The following TAX1BP1 variants were observed in gnomAD, a reference collection of about 807,000 sequenced individuals.
TAX1BP1 encodes Tax1 binding protein 1, also known as tax1-binding protein 1.
In TAX1BP1, 62 loss-of-function variants were observed where a neutral mutation model predicts 97.7. That is an observed-to-expected ratio of 0.63 (90% CI 0.52 to 0.78). TAX1BP1 has a LOEUF of 0.78. Ranked by LOEUF, TAX1BP1 falls within the 30% of genes least tolerant of loss-of-function variation. TAX1BP1 has a pLI of 0.00. For synonymous variants in TAX1BP1, 340 were observed against 304.2 expected (o/e 1.12, Z -1.23); for missense variants, 867 against 916.1 (o/e 0.95, Z 0.69).
At chr7:27,791,629 C>T (rs879768451) in intron 8 of TAX1BP1, among the ~76,000 whole-genome samples, 13 of 152,028 alleles carry the variant, frequency 8.6e-5, no homozygotes, top group African/African-American at 2.4e-4. Context: ...AAGAAGCTTT[C>T]GGAATGATTT....
At chr7:27,796,867 TAAATA>T (rs899930306) in intron 12 of TAX1BP1, among the ~76,000 whole-genome samples, 1 of 151,822 alleles carries the variant, frequency 6.6e-6, no homozygotes, top group Non-Finnish European at 1.5e-5. Context: ...AAAAAAATAA[TAAATA>T]AAATAAATTA....
At chr7:27,763,173 A>G (rs1788494563) in intron 3 of TAX1BP1, among the ~76,000 whole-genome samples, 3 of 152,210 alleles carry the variant, frequency 2.0e-5, no homozygotes, top group African/African-American at 7.2e-5. Context: ...CATTTTGTGG[A>G]TGAGTAATGA....
At chr7:27,776,724 T>G (rs527432166) in intron 5 of TAX1BP1, among the ~76,000 whole-genome samples, 4 of 152,042 alleles carry the variant, frequency 2.6e-5, no homozygotes, top group Admixed American at 2.6e-4. Flanking sequence ...TTCAGCTGTT[T>G]TTTCTGTCTT....
At position 27,785,430 on chromosome 7, in the gene TAX1BP1, G is replaced by A. The variant is rs745646029; in HGVS notation, c.793G>A (p.Glu265Lys). The change falls in exon 7 of 17, where the codon GAA becomes AAA. Residue 265 changes from glutamate (E) to lysine (K), a missense_variant. Physicochemically the swap from Glu to Lys is moderately conservative, Grantham distance 56. Around this residue, in one of 3 missense-constraint regions of TAX1BP1, gnomAD observed 822 missense variants for 851.4 expected, o/e 0.97. Transcript: ENST00000396319. ...LKDKLKKAQH[E>K]REQLECQLKT... is the part of the protein sequence containing the mutation. ...GGACAAACTCAAGAAGGCACAACAT[G>A]AAAGAGAACAACTTGAATGTCAGTT... 7 of 1,613,666 alleles carry A rather than the reference G, an allele frequency of 4.3e-6. No individual in the cohort carries two copies. Among genetic ancestry groups the A allele is most frequent in the Non-Finnish European group, 2.5e-6 (3 of 1,179,884 alleles).
chr7:27,812,296 T>C (rs1475143574), intron 13 of TAX1BP1, among the ~76,000 whole-genome samples: 4 of 152,240 alleles, frequency 2.6e-5, no homozygotes, highest in East Asian at 3.8e-4. Flanking sequence ...TTTGTACATA[T>C]TCCTTTGTGA....
In TAX1BP1 at chr7:27,811,778, CT is replaced by C. The variant is rs374928717; in HGVS notation, c.1765-4570del. ...GCATTCGTCCCCTCCTGCTACCCCC[CT>C]GTCCTAGAAAACCTCTGGTCTGCTT... On this transcript the variant is annotated intron_variant, in intron 13 of 16. Coordinates refer to ENST00000396319, the MANE Select transcript of TAX1BP1 (RefSeq NM_006024.7). Among the ~76,000 whole-genome samples, 401 of 152,302 alleles carry C rather than the reference CT, an allele frequency of 2.6e-3. 1 individual carries two copies. Among genetic ancestry groups the C allele is most frequent in the African/African-American group, 9.0e-3 (374 of 41,556 alleles).
At chr7:27,763,017 C>T (rs1280628617) in intron 3 of TAX1BP1, among the ~76,000 whole-genome samples, 3 of 152,160 alleles carry the variant, frequency 2.0e-5, no homozygotes, top group African/African-American at 4.8e-5. Context: ...TTCAACAGTT[C>T]ATTTTTATTT....
chr7:27,805,354 C>T (rs189024594), intron 13 of TAX1BP1, among the ~76,000 whole-genome samples: 2 of 152,140 alleles, frequency 1.3e-5, no homozygotes, highest in African/African-American at 4.8e-5. Flanking sequence ...ATATATTTTT[C>T]CCCTATTAGA....
At chr7:27,779,859 G>T (rs575716329) in intron 5 of TAX1BP1, among the ~76,000 whole-genome samples, 1 of 152,162 alleles carries the variant, frequency 6.6e-6, no homozygotes, top group Non-Finnish European at 1.5e-5. Context: ...TAGAAACTTG[G>T]TCACTGACAT....
chr7:27,771,586 A>G (rs1788852286), intron 5 of TAX1BP1, among the ~76,000 whole-genome samples: 1 of 152,010 alleles, frequency 6.6e-6, no homozygotes, highest in South Asian at 2.1e-4. Context: ...TAAAGGGGTT[A>G]AGGACTACAG....
intron 15 of TAX1BP1, 50 bp from the exon 16 acceptor site, chr7:27,827,688 T>G: frequency 6.8e-7 from 1 of 1,479,962 alleles, no homozygotes; most frequent in Non-Finnish European, 9.4e-7. Context: ...TTAAGGAATT[T>G]ATATTTGGTT....
intron 11 of TAX1BP1, among the ~76,000 whole-genome samples, chr7:27,795,847 G>A (rs1323090367): frequency 2.0e-5 from 3 of 152,078 alleles, no homozygotes; most frequent in African/African-American, 7.2e-5. Context: ...CACCGTGCCC[G>A]GCCGCTTTTT....
chr7:27,740,104 C>T (rs1787506602), upstream of TAX1BP1: 1 of 152,216 alleles, frequency 6.6e-6, no homozygotes, highest in African/African-American at 2.4e-5. Context: ...CGGAAGAGAC[C>T]GCCCCGTGGG....
At chr7:27,815,949 G>T (rs1208610908) in intron 13 of TAX1BP1, among the ~76,000 whole-genome samples, 2 of 152,114 alleles carry the variant, frequency 1.3e-5, no homozygotes. Flanking sequence ...GAGGAGAATT[G>T]CTTGAACCCA....
intron 2 of TAX1BP1, among the ~76,000 whole-genome samples, chr7:27,749,716 T>C (rs1301148252): frequency 6.6e-6 from 1 of 152,214 alleles, no homozygotes; most frequent in Non-Finnish European, 1.5e-5. Context: ...TTTGTGTCAG[T>C]TTTTTAGGCT....
chr7:27,757,950 CAATA>C, intron 2 of TAX1BP1, 77 bp from the exon 3 acceptor site: 2 of 738,978 alleles, frequency 2.7e-6, no homozygotes, highest in South Asian at 4.1e-5. Context: ...CTGTAAAATA[CAATA>C]AATAAACAGT....
chr7:27,804,531 C>T (rs757017837), intron 13 of TAX1BP1, among the ~76,000 whole-genome samples: 2 of 152,206 alleles, frequency 1.3e-5, no homozygotes, highest in Non-Finnish European at 2.9e-5. Flanking sequence ...AAGGCTCAGT[C>T]CCACAGGACT....
intron 8 of TAX1BP1, among the ~76,000 whole-genome samples, chr7:27,789,758 T>C (rs1789632191): frequency 6.6e-6 from 1 of 152,010 alleles, no homozygotes; most frequent in Non-Finnish European, 1.5e-5. Context: ...TCAGACATAG[T>C]TAATGTAATA....
At chr7:27,791,508 C>G (rs1789705774) in intron 8 of TAX1BP1, among the ~76,000 whole-genome samples, 1 of 151,992 alleles carries the variant, frequency 6.6e-6, no homozygotes, top group African/African-American at 2.4e-5. Context: ...GAACTAAGGC[C>G]TAAATCTGTT....
Sources: allele counts gnomAD v4.1 joint callset (sites outside exome capture counted in the v4.1 genomes callset), GRCh38; gene constraint gnomAD v4.1.1; regional missense constraint gnomAD v4.1.1; transcripts MANE v1.5; gene names NCBI Gene and HGNC (gene_info 2026-07-23, HGNC 2026-07-21).